The following TSHZ2 variants were observed in gnomAD, a reference collection of about 807,000 sequenced individuals.
The protein encoded by TSHZ2 is teashirt zinc finger homeobox 2.
TSHZ2 carries 21 observed loss-of-function variants against 74.4 expected under a neutral mutation model. That is an observed-to-expected ratio of 0.28 (90% CI 0.20 to 0.41). The LOEUF (loss-of-function observed/expected upper bound fraction) is 0.41. Ranked by LOEUF, TSHZ2 falls within the 10% of genes least tolerant of loss-of-function variation. The pLI, the probability that TSHZ2 is intolerant of heterozygous loss-of-function variation, is 1.00. For synonymous variants in TSHZ2, 540 were observed against 515.3 expected (o/e 1.05, Z -0.65); for missense variants, 1,244 against 1,293.5 (o/e 0.96, Z 0.59).
At chr20:53,315,780 C>A (rs764929914) in intron 2 of TSHZ2, among the ~76,000 whole-genome samples, 2 of 152,284 alleles carry the variant, frequency 1.3e-5, no homozygotes, top group Admixed American at 6.5e-5. Flanking sequence ...AAATAAATAA[C>A]TAATCCATTA....
In TSHZ2 at chr20:53,165,646, A is replaced by G. The variant is rs141970120; in HGVS notation, c.41-87853A>G. Among the ~76,000 whole-genome samples, 818 of 152,370 alleles carry G rather than the reference A, an allele frequency of 5.4e-3. 2 individuals carry two copies. The highest frequency in any genetic ancestry group is 9.0e-3 in the Admixed American group (138 of 15,304). On this transcript the variant is annotated intron_variant, in intron 1 of 2. Transcript: ENST00000371497. ...AGAAAAATAAAGCTTCTGACATGCAATTAAAACCTGTCTTGCCCAATTGGG... is the reference window on the plus strand; with the variant it reads ...AGAAAAATAAAGCTTCTGACATGCAGTTAAAACCTGTCTTGCCCAATTGGG...
intron 1 of TSHZ2, among the ~76,000 whole-genome samples, chr20:53,188,928 A>C (rs1230543331): frequency 6.6e-6 from 1 of 152,212 alleles, no homozygotes; most frequent in Non-Finnish European, 1.5e-5. Context: ...CATGTCTATG[A>C]GGAAATATGA....
Position 52,985,301 on chromosome 20 carries a change from T to A in TSHZ2, c.40+11968T>A, listed in dbSNP as rs1981713078. On this transcript the variant is annotated intron_variant, in intron 1 of 2. Transcript: ENST00000371497. ...AGCAAAACAGACCTAATAAAAGGAC[T>A]CATTTCATAGGTTTTTTATGAGGAT... 2.0e-5 allele frequency among the ~76,000 whole-genome samples: 3 copies of A among 152,210 alleles called. 1 individual carries two copies. The highest frequency in any genetic ancestry group is 2.0e-4 in the Admixed American group (3 of 15,282).
At chr20:53,001,205 CGTGTGTGTGTGTGTGTGTGTGTGTGT>C (rs558621179) in intron 1 of TSHZ2, among the ~76,000 whole-genome samples, 54 of 94,190 alleles carry the variant, frequency 5.7e-4, no homozygotes, top group African/African-American at 1.8e-3. Flanking sequence ...CGTTCATGTG[CGTGTGTGTGTGTGTGTGTGTGTGTGT>C]GTGTGTGTGT....
At chr20:53,337,779 T>C (rs1980015411) in intron 2 of TSHZ2, among the ~76,000 whole-genome samples, 1 of 152,246 alleles carries the variant, frequency 6.6e-6, no homozygotes, top group African/African-American at 2.4e-5. Flanking sequence ...AGAGTAGGGC[T>C]ATAAAATGCC....
chr20:53,195,015 C>T (rs561184098), intron 1 of TSHZ2, among the ~76,000 whole-genome samples: 7 of 152,330 alleles, frequency 4.6e-5, no homozygotes, highest in Non-Finnish European at 7.4e-5. Flanking sequence ...CTGTGACTCT[C>T]TGTCCCTTTG....
intron 2 of TSHZ2, among the ~76,000 whole-genome samples, chr20:53,461,100 C>G (rs1426397276): frequency 1.3e-5 from 2 of 151,844 alleles, no homozygotes; most frequent in South Asian, 2.1e-4. Context: ...CTTTGTTTAC[C>G]TAAGCAAGCC....
In TSHZ2 at chr20:53,355,078, G is replaced by C. The variant is rs6068519; in HGVS notation, c.*8+98507G>C. 2.6e-5 allele frequency among the ~76,000 whole-genome samples: 4 copies of C among 152,066 alleles called. No homozygotes were observed. The East Asian group carries it at 5.8e-4, about 22-fold the overall frequency. On this transcript the variant is annotated intron_variant, in intron 2 of 2. Coordinates refer to ENST00000371497, the MANE Select transcript of TSHZ2 (RefSeq NM_173485.6). ...TTACTTATTGTTTATTTATTGCCTA[G>C]AGTATACCCAACACTGAGGATACAA...
chr20:53,004,007 T>A (rs1176559318), intron 1 of TSHZ2, among the ~76,000 whole-genome samples: 2 of 152,122 alleles, frequency 1.3e-5, no homozygotes, highest in African/African-American at 4.8e-5. Flanking sequence ...GGGGAGTTCA[T>A]ATTCGATGCC....
rs191007810 is a variant in TSHZ2 at position 53,291,308 on chromosome 20, C to T, written c.*8+34737C>T. ...CCAACATGGTGAAACCCAGTCTCTA[C>T]TAAAAATACACAAAATTAGCTGGAT... On this transcript the variant is annotated intron_variant, in intron 2 of 2. Transcript: ENST00000371497. Among the ~76,000 whole-genome samples, 266 of 152,122 alleles carry T rather than the reference C, an allele frequency of 1.7e-3. 1 individual carries two copies. Among genetic ancestry groups the T allele is most frequent in the African/African-American group, 6.2e-3 (258 of 41,498 alleles).
chr20:53,031,795 A>G (rs1191573452), intron 1 of TSHZ2, among the ~76,000 whole-genome samples: 3 of 152,170 alleles, frequency 2.0e-5, no homozygotes, highest in African/African-American at 4.8e-5. Flanking sequence ...ATGGGAGAAT[A>G]TGTTACTCAA....
chr20:53,435,553 GC>G (rs1442232430), intron 2 of TSHZ2, among the ~76,000 whole-genome samples: 13 of 152,076 alleles, frequency 8.5e-5, no homozygotes, highest in Non-Finnish European at 1.9e-4. Flanking sequence ...TTGCTCTGTC[GC>G]CCAGGCTGGA....
chr20:53,484,627 C>T (rs1197640304), intron 2 of TSHZ2, among the ~76,000 whole-genome samples: 1 of 151,946 alleles, frequency 6.6e-6, no homozygotes, highest in Non-Finnish European at 1.5e-5. Context: ...CTCATGTGAT[C>T]CGCCCGCCGT....
At position 53,001,228 on chromosome 20, in the gene TSHZ2, G is replaced by GTATGTGTGTGTGTGTA. The variant is rs57496923; in HGVS notation, c.40+27896_40+27897insATGTGTGTGTGTGTAT. ...TGCGTGTGTGTGTGTGTGTGTGTGT[G>GTATGTGTGTGTGTGTA]TGTGTGTGTGTGTGTGTGTGTGTGT... On this transcript the variant is annotated intron_variant, in intron 1 of 2. Coordinates refer to ENST00000371497, the MANE Select transcript of TSHZ2 (RefSeq NM_173485.6). 3.4e-4 allele frequency among the ~76,000 whole-genome samples: 49 copies of GTATGTGTGTGTGTGTA among 143,484 alleles called. 1 individual carries two copies. Among genetic ancestry groups the GTATGTGTGTGTGTGTA allele is most frequent in the African/African-American group, 1.3e-3 (48 of 36,738 alleles). 94.1% of individuals were successfully genotyped at this position (143,484 alleles called of 152,430 possible). A position where few individuals can be genotyped will look rare whatever the true frequency, so the allele number is the denominator to read the frequency against.
At chr20:53,150,664 AAG>A (rs1774864912) in intron 1 of TSHZ2, among the ~76,000 whole-genome samples, 1 of 151,974 alleles carries the variant, frequency 6.6e-6, no homozygotes, top group Non-Finnish European at 1.5e-5. Context: ...GAAGGAAAGA[AAG>A]AGAAAGAAGA....
intron 1 of TSHZ2, among the ~76,000 whole-genome samples, chr20:53,144,844 AAT>A (rs1172144263): frequency 4.0e-5 from 6 of 151,368 alleles, no homozygotes; most frequent in East Asian, 1.9e-4. Context: ...AGATGAATTA[AAT>A]ATATATATAA....
At chr20:53,350,315 A>C (rs6013667) in intron 2 of TSHZ2, among the ~76,000 whole-genome samples, 29,448 of 152,204 alleles carry the variant, frequency 0.19, 3,247 homozygotes, top group South Asian at 0.29. Flanking sequence ...CTCTCAGTGC[A>C]ACTCTGTTGT....
chr20:53,249,219 C>T (rs977634819), intron 1 of TSHZ2, among the ~76,000 whole-genome samples: 1 of 152,176 alleles, frequency 6.6e-6, no homozygotes, highest in Non-Finnish European at 1.5e-5. Flanking sequence ...TGAGGGTGGG[C>T]AGATCTTTAC....
intron 2 of TSHZ2, among the ~76,000 whole-genome samples, chr20:53,391,161 GTTTGA>G (rs1568897081): frequency 8.2e-6 from 1 of 122,692 alleles, no homozygotes; most frequent in Non-Finnish European, 1.8e-5. Context: ...TTTTGGTTTG[GTTTGA>G]GACAGAGTCT....
Sources: gnomAD v4.1 joint callset for allele counts (sites outside exome capture counted in the v4.1 genomes callset) on GRCh38, gnomAD v4.1.1 for gene constraint, MANE v1.5 for transcripts, NCBI Gene and HGNC (gene_info 2026-07-23, HGNC 2026-07-21) for gene names.